BBX: variants seen among roughly 807,000 people sequenced by gnomAD.
BBX encodes BBX high mobility group box domain containing, also known as HMG box transcription factor BBX.
BBX carries 30 observed loss-of-function variants against 100.2 expected under a neutral mutation model. That is an observed-to-expected ratio of 0.30 (90% CI 0.22 to 0.41). The LOEUF is 0.41. Ranked by LOEUF, BBX falls within the 10% of genes least tolerant of loss-of-function variation. The pLI is 1.00. For synonymous variants in BBX, 376 were observed against 388.1 expected, an observed-to-expected ratio of 0.97 and a Z score of 0.37; for missense variants, 1,023 against 1,129.8, an observed-to-expected ratio of 0.91 and a Z score of 1.35.
intron 3 of BBX, among the ~76,000 whole-genome samples, chr3:107,696,452 T>C (rs1344767377): frequency 6.6e-6 from 1 of 150,866 alleles, no homozygotes; most frequent in African/African-American, 2.4e-5. Flanking sequence ...CTCCTTCACT[T>C]ATGAAGCTTA....
chr3:107,560,848 CA>C (rs2050438856), intron 2 of BBX, among the ~76,000 whole-genome samples: 1 of 152,082 alleles, frequency 6.6e-6, no homozygotes, highest in African/African-American at 2.4e-5. Context: ...GTATTCTGAG[CA>C]ATGAGGAAGT....
chr3:107,709,103 ATGGTAT>A (rs1210609211), intron 3 of BBX, among the ~76,000 whole-genome samples: 3 of 152,212 alleles, frequency 2.0e-5, no homozygotes, highest in African/African-American at 4.8e-5. Context: ...TATTTAATAA[ATGGTAT>A]TGGTATAGTT....
At chr3:107,667,091 C>T (rs1185563156) in intron 3 of BBX, among the ~76,000 whole-genome samples, 1 of 152,158 alleles carries the variant, frequency 6.6e-6, no homozygotes, top group Non-Finnish European at 1.5e-5. Context: ...CAGTTAATAC[C>T]ACCCTATCTC....
chr3:107,528,641 A>G (rs1052327709), intron 2 of BBX, among the ~76,000 whole-genome samples: 2 of 152,232 alleles, frequency 1.3e-5, no homozygotes, highest in African/African-American at 4.8e-5. Flanking sequence ...AGATTCATGT[A>G]GACATTGAAT....
intron 3 of BBX, among the ~76,000 whole-genome samples, chr3:107,653,420 A>T (rs567740295): frequency 6.6e-6 from 1 of 152,296 alleles, no homozygotes; most frequent in South Asian, 2.1e-4. Context: ...ATGCAATGTG[A>T]TACCTGGCTT....
At chr3:107,731,309 T>G (rs924852487) in intron 6 of BBX, among the ~76,000 whole-genome samples, 5 of 152,168 alleles carry the variant, frequency 3.3e-5, no homozygotes, top group Non-Finnish European at 7.4e-5. Flanking sequence ...TAACACATTT[T>G]TATCTTTAGA....
chr3:107,638,826 C>T (rs903698515), intron 2 of BBX, among the ~76,000 whole-genome samples: 1 of 126,138 alleles, frequency 7.9e-6, no homozygotes, highest in Non-Finnish European at 1.6e-5. Context: ...CACACACACA[C>T]ACACACAGAC....
chr3:107,787,795 G>A (rs932730922), intron 13 of BBX, among the ~76,000 whole-genome samples: 8 of 152,170 alleles, frequency 5.3e-5, no homozygotes, highest in South Asian at 4.1e-4. Flanking sequence ...GAAGTTAGCC[G>A]TGCGGACATC....
chr3:107,613,415 G>A (rs2054998229), intron 2 of BBX, among the ~76,000 whole-genome samples: 1 of 149,726 alleles, frequency 6.7e-6, no homozygotes, highest in Non-Finnish European at 1.5e-5. Flanking sequence ...TTATTATTTT[G>A]ATTTCTCATA....
At chr3:107,683,916 C>T (rs2059703454) in intron 3 of BBX, among the ~76,000 whole-genome samples, 1 of 152,158 alleles carries the variant, frequency 6.6e-6, no homozygotes, top group Admixed American at 6.6e-5. Context: ...TTTTCTTACC[C>T]AGAAAGATTC....
At position 107,810,132 on chromosome 3, in the gene BBX, A is replaced by G. The variant is rs948621925; in HGVS notation, c.*4675A>G. ...AAGCAACAAGCGTGAATAAAAAGAC[A>G]AATGTATTTGACTCCCTCATAATCC... On this transcript the variant is annotated 3_prime_UTR_variant, in exon 18 of 18. Coordinates refer to ENST00000325805, the MANE Select transcript of BBX (RefSeq NM_001142568.3). 1.3e-5 allele frequency: 2 copies of G among 152,004 alleles called. No individual in the cohort carries two copies. The highest frequency in any genetic ancestry group is 2.9e-5 in the Non-Finnish European group (2 of 68,002). The allele number at this position is 152,004 out of a possible 1,614,324, so 9.4% of individuals were successfully genotyped here.
rs575494176 is a variant in BBX, at chr3:107,585,698, G to A, written c.-84+59300G>A. On this transcript the variant is annotated intron_variant, in intron 2 of 17. Transcript: ENST00000325805. ...TATAATTTCTAATGATGCTGTATTG[G>A]CATAACCACTTGAAAAAATAAGAGA... 7.9e-5 allele frequency among the ~76,000 whole-genome samples: 12 copies of A among 151,970 alleles called. No individual in the cohort carries two copies. In the East Asian group the frequency reaches 1.9e-3, roughly 24 times the overall value.
intron 2 of BBX, among the ~76,000 whole-genome samples, chr3:107,582,002 A>G (rs1270280595): frequency 6.6e-6 from 1 of 152,058 alleles, no homozygotes; most frequent in Non-Finnish European, 1.5e-5. Context: ...GAGCCAAGGT[A>G]TTTTTTAGAA....
rs1471768415 is a variant in BBX, at chr3:107,760,784, T to C, written c.906+5106T>C. Among the ~76,000 whole-genome samples the C allele has an allele frequency of 2.0e-5, 3 of 152,284 alleles. No individual in the cohort carries two copies. In the East Asian group the frequency reaches 5.8e-4, roughly 30 times the overall value. On this transcript the variant is annotated intron_variant, in intron 10 of 17. Coordinates refer to ENST00000325805, the MANE Select transcript of BBX (RefSeq NM_001142568.3). ...GAAGTTGAAACTAGCAGTCTCTGGG[T>C]GACATCCAACCTACAGAGATCCTTT...
chr3:107,711,145 G>A, intron 4 of BBX: 2 of 335,924 alleles, frequency 6.0e-6, no homozygotes, highest in South Asian at 2.4e-5. Context: ...AACCATGCAG[G>A]TGACTTAAGA....
rs73210257 is a variant in BBX, at chr3:107,784,520, G to A, written c.2204-5267G>A. Among the ~76,000 whole-genome samples, 514 of 151,896 alleles carry A rather than the reference G, an allele frequency of 3.4e-3. 4 individuals are homozygous for A. Among genetic ancestry groups the A allele is most frequent in the Non-Finnish European group, 1.6e-3 (108 of 67,840 alleles). On this transcript the variant is annotated intron_variant, in intron 13 of 17. Coordinates refer to ENST00000325805, the MANE Select transcript of BBX (RefSeq NM_001142568.3). ...GTAGAAAAAAATTGGAGAAACTCAC[G>A]AATATATAGAAATTAAATACACTTC...
At chr3:107,563,484 ATAT>A (rs1368744081) in intron 2 of BBX, among the ~76,000 whole-genome samples, 1 of 152,228 alleles carries the variant, frequency 6.6e-6, no homozygotes, top group South Asian at 2.1e-4. Flanking sequence ...AGAAGGTTAA[ATAT>A]TATTATGTGC....
At chr3:107,746,578 C>T (rs2064617435) in intron 8 of BBX, among the ~76,000 whole-genome samples, 1 of 152,002 alleles carries the variant, frequency 6.6e-6, no homozygotes, top group Non-Finnish European at 1.5e-5. Flanking sequence ...CTGATGGCTT[C>T]AGCAGTGAAT....
chr3:107,795,289 A>G (rs531159711), intron 15 of BBX, among the ~76,000 whole-genome samples: 4 of 152,188 alleles, frequency 2.6e-5, no homozygotes, highest in African/African-American at 7.2e-5. Flanking sequence ...CCAGAAAATT[A>G]CTTCTCGGAT....
Sources: allele counts gnomAD v4.1 joint callset (sites outside exome capture counted in the v4.1 genomes callset), GRCh38; gene constraint gnomAD v4.1.1; transcripts MANE v1.5; gene names NCBI Gene and HGNC (gene_info 2026-07-23, HGNC 2026-07-21).